CERS6: variants seen among roughly 807,000 people sequenced by gnomAD.
CERS6 encodes ceramide synthase 6.
A neutral mutation model predicts 56.8 loss-of-function variants in CERS6; 26 were observed. The observed-to-expected ratio is 0.46, with a 90% CI of 0.34 to 0.63. The LOEUF is 0.63. Ranked by LOEUF, CERS6 falls within the 30% of genes least tolerant of loss-of-function variation. The probability of loss-of-function intolerance (pLI) is 0.01; values close to 1 mark genes in which losing one functional copy is unlikely to be tolerated. For missense variants in CERS6, 415 were observed against 467.5 expected (o/e 0.89, Z 1.04); for synonymous variants, 164 against 173.3 (o/e 0.95, Z 0.42).
Position 168,487,992 on chromosome 2 carries a change from T to A in CERS6, c.170+31374T>A, listed in dbSNP as rs150409532. Among the ~76,000 whole-genome samples the A allele has an allele frequency of 1.6e-3, 250 of 152,284 alleles. 7 individuals carry two copies. In the East Asian group the frequency reaches 0.045, roughly 28 times the overall value. Reference sequence around the variant, plus strand: ...ACCTTGGCCTCCCAAAGTACTGGGATTACAGGCATTAACCACTGCCCTGGC... The same window carrying A: ...ACCTTGGCCTCCCAAAGTACTGGGAATACAGGCATTAACCACTGCCCTGGC... On this transcript the variant is annotated intron_variant, in intron 1 of 9. Transcript: ENST00000305747.
chr2:168,749,146 C>T (rs145405991), intron 8 of CERS6, among the ~76,000 whole-genome samples: 55 of 152,260 alleles, frequency 3.6e-4, no homozygotes, highest in Middle Eastern at 3.4e-3. Context: ...TTCACAGTCC[C>T]TAGGCAGCTA....
At chr2:168,565,227 TA>T (rs906117643) in intron 3 of CERS6, among the ~76,000 whole-genome samples, 10 of 152,112 alleles carry the variant, frequency 6.6e-5, no homozygotes, top group African/African-American at 2.4e-4. Context: ...CTTACCTATA[TA>T]AAAAAAGATC....
chr2:168,457,215 A>G (rs1240438463), intron 1 of CERS6, among the ~76,000 whole-genome samples: 3 of 152,202 alleles, frequency 2.0e-5, no homozygotes, highest in Non-Finnish European at 4.4e-5. Flanking sequence ...AGTCCTGGCA[A>G]ATAGGGGATA....
intron 4 of CERS6, among the ~76,000 whole-genome samples, chr2:168,673,967 A>T (rs1032154269): frequency 1.3e-5 from 2 of 152,208 alleles, no homozygotes; most frequent in African/African-American, 4.8e-5. Flanking sequence ...ACAGCAGATG[A>T]CTAGGAGTTT....
intron 3 of CERS6, among the ~76,000 whole-genome samples, chr2:168,622,763 T>C (rs1371636432): frequency 2.0e-5 from 3 of 152,234 alleles, no homozygotes; most frequent in Non-Finnish European, 2.9e-5. Context: ...AGTTAATTAT[T>C]GATGGAGGTG....
At chr2:168,739,569 T>G (rs983726914) in intron 8 of CERS6, among the ~76,000 whole-genome samples, 1 of 152,058 alleles carries the variant, frequency 6.6e-6, no homozygotes, top group Non-Finnish European at 1.5e-5. Context: ...CTATTTCAAG[T>G]GAGTTAAGAG....
At chr2:168,471,840 A>G (rs1161864468) in intron 1 of CERS6, among the ~76,000 whole-genome samples, 1 of 152,194 alleles carries the variant, frequency 6.6e-6, no homozygotes, top group Non-Finnish European at 1.5e-5. Flanking sequence ...CTGAATGAGA[A>G]CTGCCAAAGT....
At chr2:168,694,936 C>T in intron 5 of CERS6, 23 bp from the exon 6 acceptor site, 1 of 1,587,566 alleles carries the variant, frequency 6.3e-7, no homozygotes, top group East Asian at 2.2e-5. Context: ...ACTAATCATT[C>T]CTTTTTTTTC....
At chr2:168,695,145 TCTC>T (rs1233277007) in intron 6 of CERS6, 94 bp downstream of exon 6, 2 of 890,326 alleles carry the variant, frequency 2.2e-6, no homozygotes, top group South Asian at 1.4e-5. Context: ...TCACCCCTGT[TCTC>T]CTGGCAGCCC....
At position 168,775,008 on chromosome 2, in the gene CERS6, A is replaced by AAT. The variant is rs983874553; in HGVS notation, c.*5346_*5347insAT. Reference sequence around the variant, plus strand: ...AATTAGAATTATTTTATGTATTGTTATTGTGTTTTGCTGATTTTTATATGA... The same window carrying AAT: ...AATTAGAATTATTTTATGTATTGTTAATTTGTGTTTTGCTGATTTTTATATGA... On this transcript the variant is annotated 3_prime_UTR_variant, in exon 10 of 10. Transcript: ENST00000305747. The AAT allele has an allele frequency of 4.6e-5, 7 of 152,098 alleles. No individual in the cohort carries two copies. The highest frequency in any genetic ancestry group is 1.0e-4 in the Non-Finnish European group (7 of 68,020). 9.4% of individuals were successfully genotyped at this position (152,098 alleles called of 1,614,324 possible).
At chr2:168,716,991 G>C (rs1440543014) in intron 7 of CERS6, among the ~76,000 whole-genome samples, 1 of 152,132 alleles carries the variant, frequency 6.6e-6, no homozygotes, top group East Asian at 1.9e-4. Flanking sequence ...TTATAACCCT[G>C]TGTGTAGGTG....
At chr2:168,462,117 T>G (rs940884820) in intron 1 of CERS6, among the ~76,000 whole-genome samples, 3 of 152,274 alleles carry the variant, frequency 2.0e-5, no homozygotes, top group Admixed American at 6.5e-5. Flanking sequence ...ACACTTACAT[T>G]TCTTCCTCTT....
chr2:168,501,404 A>G (rs1332721097), intron 1 of CERS6, among the ~76,000 whole-genome samples: 1 of 152,210 alleles, frequency 6.6e-6, no homozygotes, highest in African/African-American at 2.4e-5. Context: ...GGAGGTCGTG[A>G]TGCTGCAGTT....
intron 3 of CERS6, among the ~76,000 whole-genome samples, chr2:168,571,435 G>A (rs1695984718): frequency 6.6e-6 from 1 of 152,146 alleles, no homozygotes; most frequent in Non-Finnish European, 1.5e-5. Flanking sequence ...ATGTAAGGGT[G>A]AAGGAGTTTG....
rs538591373 is a variant in CERS6 at position 168,579,616 on chromosome 2, C to T, written c.407+18294C>T. Among the ~76,000 whole-genome samples the T allele has an allele frequency of 2.6e-5, 4 of 152,254 alleles. No homozygotes were observed. The South Asian group carries it at 8.3e-4, about 32-fold the overall frequency. ...AAGTCTAGCTTAGGCACCCTTTCTC[C>T]TCTGAGATTTCTACTCATCACCCCA... On this transcript the variant is annotated intron_variant, in intron 3 of 9. Transcript: ENST00000305747.
intron 4 of CERS6, among the ~76,000 whole-genome samples, chr2:168,635,943 G>A (rs933113105): frequency 6.6e-6 from 1 of 152,126 alleles, no homozygotes; most frequent in African/African-American, 2.4e-5. Context: ...GAACAAGATT[G>A]TAATTTTTTT....
chr2:168,535,441 G>T lies in CERS6; in HGVS notation c.171-12155G>T, dbSNP rs139934572. ...GTTCACTTACTGCTTCCCTTGGTTGGGGGGAGAGGGTTCTCCTGGCTCTCA... is the reference window on the plus strand; with the variant it reads ...GTTCACTTACTGCTTCCCTTGGTTGTGGGGAGAGGGTTCTCCTGGCTCTCA... On this transcript the variant is annotated intron_variant, in intron 1 of 9. Coordinates refer to ENST00000305747, the MANE Select transcript of CERS6 (RefSeq NM_203463.3). 2.2e-4 allele frequency among the ~76,000 whole-genome samples: 33 copies of T among 152,164 alleles called. 1 individual carries two copies. The East Asian group carries it at 5.8e-3, about 27-fold the overall frequency.
chr2:168,555,722 C>CTGTGTGTGTGTGTGTGTGTG (rs58781728), intron 2 of CERS6, among the ~76,000 whole-genome samples: 25 of 141,008 alleles, frequency 1.8e-4, no homozygotes, highest in African/African-American at 4.7e-4. Context: ...ATAATTGACT[C>CTGTGTGTGTGTGTGTGTGTG]TGTGTGTGTG....
chr2:168,491,029 GT>G (rs1694361865), intron 1 of CERS6, among the ~76,000 whole-genome samples: 1 of 152,152 alleles, frequency 6.6e-6, no homozygotes, highest in African/African-American at 2.4e-5. Flanking sequence ...AAAAACGAAA[GT>G]CCCAAAAGAA....
Sources: gnomAD v4.1 joint callset for allele counts (sites outside exome capture counted in the v4.1 genomes callset) on GRCh38, gnomAD v4.1.1 for gene constraint, MANE v1.5 for transcripts, NCBI Gene and HGNC (gene_info 2026-07-23, HGNC 2026-07-21) for gene names.